DCC: variants seen among roughly 807,000 people sequenced by gnomAD.
DCC encodes netrin receptor DCC.
A neutral mutation model predicts 172.5 loss-of-function variants in DCC; 58 were observed. The ratio of observed to expected loss-of-function variants is 0.34; its 90% CI spans 0.27 to 0.42. The LOEUF (loss-of-function observed/expected upper bound fraction) is 0.42, where lower values mean the gene tolerates loss of function less well. DCC is among the 10% of genes least tolerant of loss of function. The probability of loss-of-function intolerance (pLI) is 1.00; values close to 1 mark genes in which losing one functional copy is unlikely to be tolerated. For synonymous variants in DCC, 709 were observed against 644.5 expected, an observed-to-expected ratio of 1.10 and a Z score of -1.52; for missense variants, 1,740 against 1,791.0, an observed-to-expected ratio of 0.97 and a Z score of 0.51.
chr18:53,512,885 C>A (rs1209764569), intron 27 of DCC, among the ~76,000 whole-genome samples: 4 of 152,184 alleles, frequency 2.6e-5, no homozygotes, highest in Non-Finnish European at 4.4e-5. Context: ...GGGAAACACT[C>A]TGCAGGATAT....
chr18:52,631,793 T>G (rs1036628950), intron 1 of DCC, among the ~76,000 whole-genome samples: 1 of 152,210 alleles, frequency 6.6e-6, no homozygotes, highest in Non-Finnish European at 1.5e-5. Flanking sequence ...CTGACTATAT[T>G]GATTGGCCAA....
chr18:52,533,560 C>T (rs546168725), intron 1 of DCC, among the ~76,000 whole-genome samples: 5 of 152,138 alleles, frequency 3.3e-5, no homozygotes, highest in African/African-American at 1.2e-4. Context: ...CAGGTGGTTA[C>T]ATGTATCAGT....
intron 2 of DCC, among the ~76,000 whole-genome samples, chr18:52,808,268 T>C (rs1310569948): frequency 6.6e-6 from 1 of 152,226 alleles, no homozygotes; most frequent in Non-Finnish European, 1.5e-5. Flanking sequence ...TAGTTTGATG[T>C]TGAGCCTTGT....
At chr18:53,520,711 C>G (rs899583131) in intron 27 of DCC, among the ~76,000 whole-genome samples, 3 of 151,992 alleles carry the variant, frequency 2.0e-5, no homozygotes, top group African/African-American at 7.3e-5. Context: ...TATGCACAAC[C>G]AGGAACATGG....
intron 2 of DCC, among the ~76,000 whole-genome samples, chr18:52,777,127 G>A (rs182748104): frequency 3.4e-4 from 51 of 152,192 alleles, no homozygotes; most frequent in East Asian, 9.7e-4. Context: ...TTGGTGCCCC[G>A]TTAACTTTTA....
intron 2 of DCC, among the ~76,000 whole-genome samples, chr18:52,883,382 GTGTGTGTGTGAGA>G (rs200519884): frequency 0.094 from 11,665 of 124,396 alleles, 817 homozygotes; most frequent in East Asian, 0.31. Context: ...GTGTGTGTGT[GTGTGTGTGTGAGA>G]TCTCTTTCTG....
At chr18:52,894,521 C>T (rs1309592869) in intron 2 of DCC, among the ~76,000 whole-genome samples, 1 of 151,292 alleles carries the variant, frequency 6.6e-6, no homozygotes. Context: ...ATCTATCCAT[C>T]TATTTAGAAA....
At chr18:53,382,104 A>C (rs1383859464) in intron 15 of DCC, among the ~76,000 whole-genome samples, 15 of 52,952 alleles carry the variant, frequency 2.8e-4, no homozygotes, top group South Asian at 2.1e-3. Flanking sequence ...ACACACACAC[A>C]CCCCTACCTC....
intron 25 of DCC, among the ~76,000 whole-genome samples, chr18:53,470,116 CCT>C (rs1425279657): frequency 3.3e-5 from 5 of 151,984 alleles, no homozygotes; most frequent in African/African-American, 1.2e-4. Context: ...CTTCAGGTAT[CCT>C]CTCTTTTCTC....
chr18:52,603,977 G>T (rs1373005990), intron 1 of DCC, among the ~76,000 whole-genome samples: 3 of 151,392 alleles, frequency 2.0e-5, no homozygotes, highest in Non-Finnish European at 4.4e-5. Flanking sequence ...ATATTTCCTT[G>T]TCAATATTTG....
At chr18:53,055,963 A>G (rs1038009059) in intron 5 of DCC, among the ~76,000 whole-genome samples, 13 of 152,152 alleles carry the variant, frequency 8.5e-5, no homozygotes, top group African/African-American at 3.1e-4. Context: ...CTCACACTTG[A>G]CAAGTCTCTT....
intron 1 of DCC, among the ~76,000 whole-genome samples, chr18:52,606,387 G>C (rs1272648430): frequency 6.6e-6 from 1 of 151,868 alleles, no homozygotes; most frequent in East Asian, 1.9e-4. Context: ...CACATTTAAA[G>C]ACCTTATCCA....
At chr18:52,514,931 A>G (rs1246466663) in intron 1 of DCC, among the ~76,000 whole-genome samples, 2 of 152,192 alleles carry the variant, frequency 1.3e-5, no homozygotes, top group Non-Finnish European at 1.5e-5. Flanking sequence ...TTCCCAGCAA[A>G]CAGAAAAGGA....
At position 53,339,813 on chromosome 18, in the gene DCC, G is replaced by A. The variant is rs372175362; in HGVS notation, c.2265G>A (p.Val755=). 89 of 1,613,818 alleles carry A rather than the reference G, an allele frequency of 5.5e-5. No individual in the cohort carries two copies. Among genetic ancestry groups the A allele is most frequent in the Non-Finnish European group, 7.2e-5 (85 of 1,179,936 alleles). ...WTPPLNPNIV[V]RGYIIGYGVG... ...CTCCCTTGAACCCAAACATCGTGGT[G>A]CGAGGTTATATTATCGGTTATGGCG... Residue 755 remains valine, a synonymous_variant, in exon 15 of 29, where the codon GTG becomes GTA. Transcript: ENST00000442544.
chr18:53,138,323 C>T lies in DCC; in HGVS notation c.1262-19033C>T, dbSNP rs918763074. Among the ~76,000 whole-genome samples, 14 of 152,084 alleles carry T rather than the reference C, an allele frequency of 9.2e-5. No individual in the cohort carries two copies. In the South Asian group the frequency reaches 2.1e-3, roughly 23 times the overall value. ...AAGACCTATAATTTGCAAAATGAAT[C>T]CACATTCTTGAACAGTGACTGCATT... On this transcript the variant is annotated intron_variant, in intron 7 of 28. Coordinates refer to ENST00000442544, the MANE Select transcript of DCC (RefSeq NM_005215.4).
chr18:52,613,515 A>G (rs1303387018), intron 1 of DCC, among the ~76,000 whole-genome samples: 1 of 152,154 alleles, frequency 6.6e-6, no homozygotes, highest in Non-Finnish European at 1.5e-5. Context: ...TCTGCCTCCC[A>G]AAGTGCTGGG....
chr18:53,274,909 T>C (rs1003546334), intron 12 of DCC, among the ~76,000 whole-genome samples: 5 of 152,090 alleles, frequency 3.3e-5, no homozygotes, highest in African/African-American at 1.2e-4. Flanking sequence ...CTTCTGCATA[T>C]TACAGTACGG....
At chr18:53,098,258 A>G (rs1478095416) in intron 7 of DCC, among the ~76,000 whole-genome samples, 25 of 152,136 alleles carry the variant, frequency 1.6e-4, no homozygotes, top group Non-Finnish European at 2.9e-5. Flanking sequence ...GAATACTACA[A>G]AAGTTGTAAA....
chr18:52,582,967 C>T (rs866087135), intron 1 of DCC, among the ~76,000 whole-genome samples: 7 of 152,210 alleles, frequency 4.6e-5, no homozygotes, highest in African/African-American at 1.4e-4. Context: ...GTCCAACATA[C>T]GTGTTTCTGA....
Sources: gnomAD v4.1 joint callset for allele counts (sites outside exome capture counted in the v4.1 genomes callset) on GRCh38, gnomAD v4.1.1 for gene constraint, MANE v1.5 for transcripts, NCBI Gene and HGNC (gene_info 2026-07-23, HGNC 2026-07-21) for gene names.